Variants in CTNNA2 observed in about 807,000 individuals in gnomAD.
CTNNA2 encodes catenin alpha 2.
A neutral mutation model predicts 101.0 loss-of-function variants in CTNNA2; 42 were observed. That is an observed-to-expected ratio of 0.42 (90% CI 0.32 to 0.54). The LOEUF (loss-of-function observed/expected upper bound fraction) is 0.54. Ranked by LOEUF, CTNNA2 falls within the 20% of genes least tolerant of loss-of-function variation. CTNNA2 has a pLI of 0.14. For synonymous variants in CTNNA2, 450 were observed against 456.4 expected (o/e 0.99, Z 0.18); for missense variants, 871 against 1,223.1 (o/e 0.71, Z 4.29).
intron 18 of CTNNA2, among the ~76,000 whole-genome samples, chr2:80,639,303 G>C (rs1368548306): frequency 2.6e-5 from 4 of 152,116 alleles, no homozygotes; most frequent in Admixed American, 1.3e-4. Context: ...TCCGCCTCCT[G>C]GGTTCAAGTG....
At chr2:79,858,255 C>T (rs1036493645) in intron 4 of CTNNA2, 76 bp downstream of exon 4, 1 of 1,208,264 alleles carries the variant, frequency 8.3e-7, no homozygotes, top group African/African-American at 1.5e-5. Context: ...GCTCTGGCCT[C>T]TACTCTAGAT....
intron 16 of CTNNA2, among the ~76,000 whole-genome samples, chr2:80,606,331 A>G (rs1697998736): frequency 6.6e-6 from 1 of 151,292 alleles, no homozygotes. Context: ...AACCTAAAGC[A>G]TAACTCAAAA....
At chr2:79,211,772 T>C (rs1366938565) in intron 2 of CTNNA2, among the ~76,000 whole-genome samples, 2 of 152,168 alleles carry the variant, frequency 1.3e-5, no homozygotes, top group African/African-American at 2.4e-5. Flanking sequence ...TGTCTTCTTA[T>C]ATTAATAAGA....
At position 79,914,070 on chromosome 2, in the gene CTNNA2, G is replaced by T. The variant is rs1478171727; in HGVS notation, c.1056+4273G>T. On this transcript the variant is annotated intron_variant, in intron 7 of 18. Transcript: ENST00000402739. ...TGGTCCCAGCTACTCGGGAGGCTGA[G>T]GCAGGAGAATGGCGTGAACCCGGGA... Among the ~76,000 whole-genome samples, 3 of 150,064 alleles carry T rather than the reference G, an allele frequency of 2.0e-5. No individual in the cohort carries two copies. In the Admixed American group the frequency reaches 2.1e-4, roughly 10 times the overall value.
intron 7 of CTNNA2, among the ~76,000 whole-genome samples, chr2:80,363,508 T>C (rs1186299974): frequency 6.6e-6 from 1 of 152,130 alleles, no homozygotes; most frequent in Non-Finnish European, 1.5e-5. Context: ...GGCTTTGTTC[T>C]TCAGACATGG....
intron 7 of CTNNA2, among the ~76,000 whole-genome samples, chr2:80,253,838 T>C (rs1161557139): frequency 1.3e-5 from 2 of 152,202 alleles, no homozygotes; most frequent in African/African-American, 4.8e-5. Flanking sequence ...ACTTTGGGCC[T>C]CTTTCTCCTA....
At chr2:80,521,868 A>G (rs555430619) in intron 9 of CTNNA2, among the ~76,000 whole-genome samples, 24 of 152,330 alleles carry the variant, frequency 1.6e-4, no homozygotes, top group Admixed American at 1.4e-3. Context: ...AAATTAACAC[A>G]CTAAATAACT....
intron 2 of CTNNA2, among the ~76,000 whole-genome samples, chr2:79,737,387 T>A (rs1670974619): frequency 1.3e-5 from 2 of 149,196 alleles, no homozygotes; most frequent in African/African-American, 4.8e-5. Context: ...GTCTTTCACT[T>A]TTTTTCGCTT....
At chr2:79,544,256 A>G (rs558377137) in intron 1 of CTNNA2, among the ~76,000 whole-genome samples, 51 of 152,296 alleles carry the variant, frequency 3.3e-4, no homozygotes, top group Admixed American at 8.5e-4. Flanking sequence ...AAATTTTTGA[A>G]TGAATAGTGT....
chr2:80,428,545 G>C (rs1681197834), intron 9 of CTNNA2, among the ~76,000 whole-genome samples: 1 of 152,114 alleles, frequency 6.6e-6, no homozygotes, highest in African/African-American at 2.4e-5. Context: ...TCCATATTTT[G>C]ATAAGCTGCA....
intron 4 of CTNNA2, among the ~76,000 whole-genome samples, chr2:79,859,330 A>T (rs1445679978): frequency 1.3e-5 from 2 of 152,104 alleles, no homozygotes; most frequent in Non-Finnish European, 2.9e-5. Context: ...TCACCTCACC[A>T]TTGAGCTCAG....
chr2:80,528,277 C>T (rs1445167632), intron 9 of CTNNA2, among the ~76,000 whole-genome samples: 1 of 152,094 alleles, frequency 6.6e-6, no homozygotes, highest in Non-Finnish European at 1.5e-5. Flanking sequence ...CTCACTGCAA[C>T]CTCTGCCTCC....
chr2:80,576,786 T>TAAAA (rs1558606620), intron 13 of CTNNA2, among the ~76,000 whole-genome samples: 4,103 of 112,020 alleles, frequency 0.037, 432 homozygotes, highest in African/African-American at 0.11. Context: ...CTGTCTCTAC[T>TAAAA]GAAAAAAAAA....
chr2:79,888,972 T>C (rs900551760), intron 6 of CTNNA2, among the ~76,000 whole-genome samples: 3 of 152,228 alleles, frequency 2.0e-5, no homozygotes, highest in Admixed American at 6.5e-5. Flanking sequence ...ACATGTGGTT[T>C]ATTTAAAATG....
At chr2:80,442,591 G>A (rs187182252) in intron 9 of CTNNA2, among the ~76,000 whole-genome samples, 1 of 152,316 alleles carries the variant, frequency 6.6e-6, no homozygotes, top group Non-Finnish European at 1.5e-5. Flanking sequence ...GCTTGAGCAA[G>A]AGGATGATCC....
intron 1 of CTNNA2, chr2:79,636,843 C>A (rs1046628351): frequency 2.6e-5 from 4 of 151,994 alleles, no homozygotes; most frequent in African/African-American, 9.7e-5. Context: ...CTATATATAA[C>A]AAAATGAGTT....
chr2:80,103,843 T>C (rs1231389619), intron 7 of CTNNA2, among the ~76,000 whole-genome samples: 1 of 152,222 alleles, frequency 6.6e-6, no homozygotes, highest in East Asian at 1.9e-4. Flanking sequence ...CAAGTGATTC[T>C]CTCGCCTCAG....
chr2:80,306,400 TTTTCTTTCTTTCTTTCTTTC>T (rs58501778), intron 7 of CTNNA2, among the ~76,000 whole-genome samples: 52 of 109,266 alleles, frequency 4.8e-4, no homozygotes, highest in South Asian at 1.0e-3. Context: ...TTTTCTTTTC[TTTTCTTTCTTTCTTTCTTTC>T]TTTCTTTCTT....
intron 18 of CTNNA2, among the ~76,000 whole-genome samples, chr2:80,624,402 CT>C (rs1014443534): frequency 2.6e-5 from 4 of 151,786 alleles, no homozygotes; most frequent in Admixed American, 1.3e-4. Context: ...GTTTGTTTTT[CT>C]TTTTTTCGTG....
Sources: gnomAD v4.1 joint callset for allele counts (sites outside exome capture counted in the v4.1 genomes callset) on GRCh38, gnomAD v4.1.1 for gene constraint, MANE v1.5 for transcripts, NCBI Gene and HGNC (gene_info 2026-07-23, HGNC 2026-07-21) for gene names.